The following NELL2 variants were observed in gnomAD, a reference collection of about 807,000 sequenced individuals.
NELL2 encodes the protein protein kinase C-binding protein NELL2.
NELL2 carries 41 observed loss-of-function variants against 109.6 expected under a neutral mutation model. The observed-to-expected ratio is 0.37, with a 90% confidence interval of 0.29 to 0.49. NELL2 has a LOEUF of 0.49. Ranked by LOEUF, NELL2 falls within the 20% of genes least tolerant of loss-of-function variation. The pLI, the probability that NELL2 is intolerant of heterozygous loss-of-function variation, is 0.98. For missense variants in NELL2, 900 were observed against 1,008.3 expected (o/e 0.89, Z 1.45); for synonymous variants, 355 against 344.7 (o/e 1.03, Z -0.33).
At chr12:44,833,115 G>A (rs572257613) in intron 2 of NELL2, among the ~76,000 whole-genome samples, 2 of 152,242 alleles carry the variant, frequency 1.3e-5, no homozygotes, top group Admixed American at 6.5e-5. Context: ...TACACAGAAC[G>A]TTCAGAACAC....
At chr12:44,773,562 C>T (rs1390390408) in intron 9 of NELL2, among the ~76,000 whole-genome samples, 4 of 152,094 alleles carry the variant, frequency 2.6e-5, no homozygotes, top group Non-Finnish European at 5.9e-5. Context: ...ATATATGGTC[C>T]TTCTTCCTTC....
At chr12:44,774,637 CT>C (rs1941676974) in intron 9 of NELL2, 109 bp downstream of exon 9, 1 of 844,360 alleles carries the variant, frequency 1.2e-6, no homozygotes, top group Non-Finnish European at 2.0e-6. Context: ...TATTCCATCA[CT>C]TCTGAAAGCT....
intron 12 of NELL2, among the ~76,000 whole-genome samples, chr12:44,678,358 C>T (rs1038333663): frequency 6.6e-6 from 1 of 152,050 alleles, no homozygotes; most frequent in African/African-American, 2.4e-5. Context: ...CAGAAGATAA[C>T]TTTATAACCT....
At chr12:44,799,081 C>G (rs1366181738) in intron 3 of NELL2, among the ~76,000 whole-genome samples, 1 of 150,910 alleles carries the variant, frequency 6.6e-6, no homozygotes, top group East Asian at 2.0e-4. Context: ...GCCTCAGCCT[C>G]CCGAGTAGCT....
intron 15 of NELL2, among the ~76,000 whole-genome samples, chr12:44,587,307 A>ATATATATTTTT (rs1302978950): frequency 4.1e-5 from 4 of 96,646 alleles, no homozygotes; most frequent in African/African-American, 1.7e-4. Context: ...ATATATATAT[A>ATATATATTTTT]TTTTTTTTTA....
In NELL2 at chr12:44,668,940, G is replaced by T. The variant is rs551960049; in HGVS notation, c.1319-3331C>A. Among the ~76,000 whole-genome samples, 10 of 151,784 alleles carry T rather than the reference G, an allele frequency of 6.6e-5. No individual in the cohort carries two copies. The East Asian group carries it at 1.6e-3, about 24-fold the overall frequency. ...ACACCACCCAGAGGCCCAAGAACAG[G>T]CCCACCCATATCTGCCACTGCTGGT... On this transcript the variant is annotated intron_variant, in intron 12 of 19. Coordinates refer to ENST00000429094, the MANE Select transcript of NELL2 (RefSeq NM_001145108.2).
rs12231281 is a variant in NELL2, at chr12:44,783,359, G to A, written c.336-3337C>T. ...GGGCAAAATAAACACAAATCAAGTA[G>A]AAGTAAGGAATTAATAAAGAGCAGA... On this transcript the variant is annotated intron_variant, in intron 3 of 19. Transcript: ENST00000429094. Among the ~76,000 whole-genome samples, 343 of 151,150 alleles carry A rather than the reference G, an allele frequency of 2.3e-3. 9 individuals are homozygous for A. In the East Asian group the frequency reaches 0.049, roughly 22 times the overall value.
chr12:44,877,250 A>C (rs1157268918), upstream of NELL2, among the ~76,000 whole-genome samples: 2 of 152,224 alleles, frequency 1.3e-5, no homozygotes, highest in Non-Finnish European at 2.9e-5. Context: ...GACCACACTC[A>C]TGCAGGCTCT....
At position 44,631,058 on chromosome 12, in the gene NELL2, T is replaced by C. The variant is rs957592871; in HGVS notation, c.1445-20088A>G. Among the ~76,000 whole-genome samples the C allele has an allele frequency of 2.6e-5, 4 of 152,076 alleles. No individual in the cohort carries two copies. The South Asian group carries it at 8.3e-4, about 32-fold the overall frequency. ...ATGTTTCTGATTGGAACCATCCTCATTGAATTTCCTACCTTCAGAACTCCT... is the reference window on the plus strand; with the variant it reads ...ATGTTTCTGATTGGAACCATCCTCACTGAATTTCCTACCTTCAGAACTCCT... On this transcript the variant is annotated intron_variant, in intron 13 of 19. Coordinates refer to ENST00000429094, the MANE Select transcript of NELL2 (RefSeq NM_001145108.2).
chr12:44,822,262 ATGT>A (rs1232263948), intron 2 of NELL2, among the ~76,000 whole-genome samples: 1 of 152,152 alleles, frequency 6.6e-6, no homozygotes, highest in East Asian at 1.9e-4. Context: ...GAGGATTATA[ATGT>A]TATTATTATT....
intron 13 of NELL2, among the ~76,000 whole-genome samples, chr12:44,645,903 A>G (rs1013042249): frequency 2.6e-5 from 4 of 152,132 alleles, no homozygotes; most frequent in African/African-American, 4.8e-5. Context: ...TTTTACCCTC[A>G]TCTTGCATCC....
chr12:44,807,217 C>CTGCTTTTAAT (rs1051290437), intron 3 of NELL2, among the ~76,000 whole-genome samples: 2 of 151,718 alleles, frequency 1.3e-5, no homozygotes, highest in African/African-American at 4.8e-5. Context: ...GTCAGAGCCT[C>CTGCTTTTAAT]TAATGTCACT....
chr12:44,661,077 CA>C (rs1411294726), intron 13 of NELL2, among the ~76,000 whole-genome samples: 4 of 152,122 alleles, frequency 2.6e-5, no homozygotes, highest in African/African-American at 9.7e-5. Context: ...GACAAAATGA[CA>C]TAGTATGACT....
Position 44,508,319 on chromosome 12 carries a change from C to T in NELL2, c.*615G>A, listed in dbSNP as rs544692166. On this transcript the variant is annotated 3_prime_UTR_variant, in exon 20 of 20. Coordinates refer to ENST00000429094, the MANE Select transcript of NELL2 (RefSeq NM_001145108.2). ...ATATTTATTTAATTTTGCACAAGAA[C>T]GAGCTTATACTGAACAAATTCAACC... The T allele has an allele frequency of 7.2e-5, 11 of 152,608 alleles. No homozygotes were observed. The highest frequency in any genetic ancestry group is 2.2e-4 in the African/African-American group (9 of 41,524). The allele number at this position is 152,608 out of a possible 1,614,324, so 9.5% of individuals were successfully genotyped here.
intron 11 of NELL2, among the ~76,000 whole-genome samples, chr12:44,705,609 T>C (rs1676022977): frequency 1.3e-5 from 2 of 152,206 alleles, no homozygotes; most frequent in African/African-American, 2.4e-5. Flanking sequence ...CTTTTTATAA[T>C]GCCTGAGGGA....
intron 15 of NELL2, among the ~76,000 whole-genome samples, chr12:44,583,553 A>C (rs1944393791): frequency 6.6e-6 from 1 of 152,198 alleles, no homozygotes; most frequent in Non-Finnish European, 1.5e-5. Flanking sequence ...TTAGACATTT[A>C]CCATATGTCA....
chr12:44,569,078 A>G (rs1480725713), intron 15 of NELL2, among the ~76,000 whole-genome samples: 1 of 151,864 alleles, frequency 6.6e-6, no homozygotes, highest in Non-Finnish European at 1.5e-5. Context: ...GTTTTCCTCT[A>G]CGTGTCAATG....
At chr12:44,706,569 C>T (rs1049586845) in intron 11 of NELL2, among the ~76,000 whole-genome samples, 2 of 152,108 alleles carry the variant, frequency 1.3e-5, no homozygotes, top group South Asian at 2.1e-4. Context: ...CCTTTCTAAG[C>T]CTTCAGTTTT....
chr12:44,605,463 T>C (rs1428848060), intron 15 of NELL2, among the ~76,000 whole-genome samples: 1 of 152,186 alleles, frequency 6.6e-6, no homozygotes, highest in Non-Finnish European at 1.5e-5. Flanking sequence ...AGAATCAGTC[T>C]GGGATTGTCT....
Sources: allele counts gnomAD v4.1 joint callset (sites outside exome capture counted in the v4.1 genomes callset), GRCh38; gene constraint gnomAD v4.1.1; transcripts MANE v1.5; gene names NCBI Gene and HGNC (gene_info 2026-07-23, HGNC 2026-07-21).